KIF26B: variants seen among roughly 807,000 people sequenced by gnomAD.
KIF26B encodes kinesin-like protein KIF26B.
KIF26B carries 63 observed loss-of-function variants against 151.2 expected under a neutral mutation model. The observed-to-expected ratio is 0.42, with a 90% CI of 0.34 to 0.51. The LOEUF is 0.51. Ranked by LOEUF, KIF26B falls within the 20% of genes least tolerant of loss-of-function variation. The pLI is 0.07. For missense variants in KIF26B, 2,813 were observed against 2,913.6 expected (o/e 0.97, Z 0.79); for synonymous variants, 1,357 against 1,262.1 (o/e 1.08, Z -1.59).
chr1:245,408,544 G>A lies in KIF26B; in HGVS notation c.1000-11035G>A, dbSNP rs545504569. Among the ~76,000 whole-genome samples, 4 of 151,972 alleles carry A rather than the reference G, an allele frequency of 2.6e-5. No homozygotes were observed. The South Asian group carries it at 6.2e-4, about 24-fold the overall frequency. On this transcript the variant is annotated intron_variant, in intron 3 of 14. Transcript: ENST00000407071. The stretch of plus-strand genomic sequence containing the variant: ...TAATTTTTGTATTTTTAGTAGAGAC[G>A]GGGTTTCACCATATTGGTCAGGCTG...
At chr1:245,504,259 C>A (rs1660682655) in intron 4 of KIF26B, among the ~76,000 whole-genome samples, 1 of 151,978 alleles carries the variant, frequency 6.6e-6, no homozygotes, top group Non-Finnish European at 1.5e-5. Context: ...CCAACCCCTT[C>A]CCACCTTCCA....
intron 10 of KIF26B, among the ~76,000 whole-genome samples, chr1:245,654,442 G>A (rs1354346665): frequency 6.6e-6 from 1 of 152,112 alleles, no homozygotes; most frequent in Non-Finnish European, 1.5e-5. Flanking sequence ...CTGTCAGTGG[G>A]GCCTGACAGT....
At chr1:245,332,943 C>T (rs1453041374) in intron 2 of KIF26B, among the ~76,000 whole-genome samples, 2 of 152,140 alleles carry the variant, frequency 1.3e-5, no homozygotes, top group East Asian at 1.9e-4. Flanking sequence ...TCTCCAAATC[C>T]AGCAGAAAAA....
chr1:245,345,227 C>G (rs1004864524), intron 2 of KIF26B, among the ~76,000 whole-genome samples: 2 of 152,156 alleles, frequency 1.3e-5, no homozygotes, highest in African/African-American at 4.8e-5. Flanking sequence ...GCCCTCACCC[C>G]ACCCCTGCCC....
chr1:245,601,108 C>G lies in KIF26B; in HGVS notation c.1351-1469C>G, dbSNP rs547850878. ...GCATATGAGAGAAAATGGCAGGGATCTTTCTATGACCTCAGTGTGAGAAGC... is the reference window on the plus strand; with the variant it reads ...GCATATGAGAGAAAATGGCAGGGATGTTTCTATGACCTCAGTGTGAGAAGC... On this transcript the variant is annotated intron_variant, in intron 5 of 14. Transcript: ENST00000407071. This position sits in a 1 kb window ranked among gnomAD's most constrained non-coding sequence, Gnocchi z 4.4. 1.3e-5 allele frequency among the ~76,000 whole-genome samples: 2 copies of G among 152,286 alleles called. No homozygotes were observed. The highest frequency in any genetic ancestry group is 4.1e-4 in the South Asian group (2 of 4,822).
At chr1:245,348,470 C>T (rs1672502710) in intron 2 of KIF26B, among the ~76,000 whole-genome samples, 1 of 152,136 alleles carries the variant, frequency 6.6e-6, no homozygotes, top group Non-Finnish European at 1.5e-5. Context: ...AGTCCAAGAC[C>T]AAGGCACCAG....
intron 4 of KIF26B, among the ~76,000 whole-genome samples, chr1:245,486,329 A>G (rs2103071550): frequency 6.6e-6 from 1 of 152,300 alleles, no homozygotes; most frequent in East Asian, 1.9e-4. Flanking sequence ...TGTCAATTTG[A>G]TAAATCATTT....
At chr1:245,282,276 C>T (rs1006504298) in intron 2 of KIF26B, among the ~76,000 whole-genome samples, 3 of 152,052 alleles carry the variant, frequency 2.0e-5, no homozygotes, top group African/African-American at 4.8e-5. Flanking sequence ...AAAAAGAGCC[C>T]GCATTGCCAA....
chr1:245,662,435 G>GAT (rs61475459), intron 10 of KIF26B, among the ~76,000 whole-genome samples: 3,170 of 140,066 alleles, frequency 0.023, 72 homozygotes, highest in African/African-American at 0.056. Context: ...ACACATACCC[G>GAT]ATATATATAT....
chr1:245,451,916 A>T (rs1253736508), intron 4 of KIF26B, among the ~76,000 whole-genome samples: 2 of 152,124 alleles, frequency 1.3e-5, no homozygotes, highest in Non-Finnish European at 2.9e-5. Flanking sequence ...TATCTTTTTA[A>T]AAAAATTATT....
intron 4 of KIF26B, among the ~76,000 whole-genome samples, chr1:245,497,619 G>A (rs960769525): frequency 1.3e-5 from 2 of 152,134 alleles, no homozygotes; most frequent in East Asian, 1.9e-4. Context: ...CACGTCAAGC[G>A]CTAACTAACC....
At chr1:245,475,689 A>G (rs2103066236) in intron 4 of KIF26B, among the ~76,000 whole-genome samples, 1 of 152,010 alleles carries the variant, frequency 6.6e-6, no homozygotes, top group Admixed American at 6.5e-5. Flanking sequence ...AAAAACCACA[A>G]TGAGATGCCA....
At chr1:245,652,126 GT>G (rs1277504743) in intron 10 of KIF26B, among the ~76,000 whole-genome samples, 70 of 139,488 alleles carry the variant, frequency 5.0e-4, no homozygotes, top group African/African-American at 1.8e-3. Context: ...GTGTGTGTGT[GT>G]GTGTGTGTGT....
chr1:245,315,492 C>T (rs547866900), intron 2 of KIF26B, among the ~76,000 whole-genome samples: 2 of 152,116 alleles, frequency 1.3e-5, no homozygotes, highest in South Asian at 4.1e-4. Flanking sequence ...GAGGCCTAGG[C>T]AGGTGGATCA....
chr1:245,180,055 G>A (rs1018241478), intron 2 of KIF26B, among the ~76,000 whole-genome samples: 1 of 152,242 alleles, frequency 6.6e-6, no homozygotes, highest in African/African-American at 2.4e-5. Context: ...GATAATCGCT[G>A]GCAGCAGCAA....
intron 2 of KIF26B, among the ~76,000 whole-genome samples, chr1:245,272,774 T>G (rs1489049094): frequency 6.6e-6 from 1 of 152,228 alleles, no homozygotes; most frequent in East Asian, 1.9e-4. Flanking sequence ...GATTGTTTTC[T>G]TTGACTCAGT....
At chr1:245,412,687 C>T (rs1342278681) in intron 3 of KIF26B, among the ~76,000 whole-genome samples, 1 of 152,170 alleles carries the variant, frequency 6.6e-6, no homozygotes, top group Non-Finnish European at 1.5e-5. Context: ...TTGGGATTCT[C>T]TCTTTCTTTG....
chr1:245,659,066 C>CA (rs915536412), intron 10 of KIF26B, among the ~76,000 whole-genome samples: 15 of 147,574 alleles, frequency 1.0e-4, no homozygotes, highest in East Asian at 4.0e-4. Flanking sequence ...TCCATCTGTA[C>CA]AAAAAAAAAA....
rs1237711338 is a variant in KIF26B at position 245,246,563 on chromosome 1, C to T, written c.465+89880C>T. ...CACAAATCAGCAATGAAAGCGTTGG[C>T]ACCTGACCCCACAGTGGGTCTCCAG... On this transcript the variant is annotated intron_variant, in intron 2 of 14. Transcript: ENST00000407071. 3.9e-5 allele frequency among the ~76,000 whole-genome samples: 6 copies of T among 152,294 alleles called. No individual in the cohort carries two copies. The South Asian group carries it at 1.0e-3, about 26-fold the overall frequency.
Sources: allele counts gnomAD v4.1 joint callset (sites outside exome capture counted in the v4.1 genomes callset), GRCh38; gene constraint gnomAD v4.1.1; non-coding constraint Gnocchi (gnomAD v3.1); transcripts MANE v1.5; gene names NCBI Gene and HGNC (gene_info 2026-07-23, HGNC 2026-07-21).